PLA2G4A: variants seen among roughly 807,000 people sequenced by gnomAD.
PLA2G4A encodes the protein cytosolic phospholipase A2.
A neutral mutation model predicts 81.9 loss-of-function variants in PLA2G4A; 40 were observed. The observed-to-expected ratio is 0.49, with a 90% CI of 0.38 to 0.64. The LOEUF (loss-of-function observed/expected upper bound fraction) is 0.64, where lower values mean the gene tolerates loss of function less well. PLA2G4A is among the 30% of genes least tolerant of loss of function. The pLI is 0.00. For synonymous variants in PLA2G4A, 302 were observed against 296.9 expected (o/e 1.02, Z -0.18); for missense variants, 715 against 905.1 (o/e 0.79, Z 2.69).
chr1:186,947,554 T>C (rs1374641967), intron 12 of PLA2G4A, among the ~76,000 whole-genome samples: 1 of 152,196 alleles, frequency 6.6e-6, no homozygotes. Flanking sequence ...CCAGTGGTTT[T>C]CATTCATTAT....
Position 186,946,905 on chromosome 1 carries a change from G to A in PLA2G4A, c.1208G>A (p.Arg403Lys). The A allele has an allele frequency of 1.2e-6, 2 of 1,612,856 alleles. No homozygotes were observed. The highest frequency in any genetic ancestry group is 1.7e-6 in the Non-Finnish European group (2 of 1,178,992). Residue 403 changes from arginine to lysine, a missense_variant, in exon 12 of 18, where the codon AGA becomes AAA. Coordinates refer to ENST00000367466, the MANE Select transcript of PLA2G4A (RefSeq NM_024420.3). ...AGTGCCTTTTCCATATTGTTCAACA[G>A]AGTTTTGGGCGTTTCTGGTTCACAA... ...WGSAFSILFN[R>K]VLGVSGSQSR...
intron 15 of PLA2G4A, among the ~76,000 whole-genome samples, chr1:186,975,698 G>T (rs996668291): frequency 6.6e-6 from 1 of 152,134 alleles, no homozygotes. Flanking sequence ...GTGTTTGTTC[G>T]TTCCTCATTA....
chr1:186,834,509 A>G (rs1289007508), intron 1 of PLA2G4A, among the ~76,000 whole-genome samples: 1 of 152,084 alleles, frequency 6.6e-6, no homozygotes, highest in Non-Finnish European at 1.5e-5. Flanking sequence ...TATTGGAGTT[A>G]ACATCAGAAA....
intron 1 of PLA2G4A, among the ~76,000 whole-genome samples, chr1:186,842,537 A>C (rs1652025893): frequency 6.6e-6 from 1 of 152,170 alleles, no homozygotes; most frequent in Admixed American, 6.5e-5. Flanking sequence ...GTACCTCAGA[A>C]TGTAAAAGTA....
chr1:186,838,193 A>G (rs1651858067), intron 1 of PLA2G4A, among the ~76,000 whole-genome samples: 2 of 152,244 alleles, frequency 1.3e-5, no homozygotes, highest in African/African-American at 2.4e-5. Flanking sequence ...GACTTAAATT[A>G]AAACTAGCCT....
chr1:186,860,625 C>G (rs919723723), intron 2 of PLA2G4A, among the ~76,000 whole-genome samples: 2 of 152,188 alleles, frequency 1.3e-5, no homozygotes, highest in African/African-American at 4.8e-5. Context: ...CTGGACAACA[C>G]ATGGCCTACC....
chr1:186,930,335 A>G (rs1315989460), intron 7 of PLA2G4A, among the ~76,000 whole-genome samples: 1 of 152,224 alleles, frequency 6.6e-6, no homozygotes, highest in African/African-American at 2.4e-5. Flanking sequence ...CTTCAAAGCA[A>G]TAATGAGAAC....
At chr1:186,988,269 C>G in intron 17 of PLA2G4A, 108 bp from the exon 18 acceptor site, 1 of 836,826 alleles carries the variant, frequency 1.2e-6, no homozygotes, top group Non-Finnish European at 1.8e-6. Context: ...TCATATATGT[C>G]AAAAGGAATA....
chr1:186,837,753 G>GAAAAAAAAAAAAAAAAAAAAAAA (rs1267826917), intron 1 of PLA2G4A, among the ~76,000 whole-genome samples: 1 of 118,166 alleles, frequency 8.5e-6, no homozygotes. Context: ...AAAAAAAAAA[G>GAAAAAAAAAAAAAAAAAAAAAAA]AAAAAGAAAA....
At chr1:186,952,493 G>T (rs901276571) in intron 13 of PLA2G4A, among the ~76,000 whole-genome samples, 1 of 151,986 alleles carries the variant, frequency 6.6e-6, no homozygotes, top group African/African-American at 2.4e-5. Flanking sequence ...CACCACCCCT[G>T]CCTCTCCCAC....
intron 7 of PLA2G4A, among the ~76,000 whole-genome samples, chr1:186,926,571 G>A (rs974691508): frequency 2.0e-5 from 3 of 152,086 alleles, no homozygotes; most frequent in Non-Finnish European, 4.4e-5. Flanking sequence ...GTTCAGTGCT[G>A]GCCAGTTGGC....
chr1:186,843,781 A>T (rs1255832332), intron 1 of PLA2G4A, among the ~76,000 whole-genome samples: 2 of 152,176 alleles, frequency 1.3e-5, no homozygotes, highest in African/African-American at 4.8e-5. Context: ...AAATGTTTCC[A>T]CTTCCTCTTA....
At chr1:186,846,943 A>C (rs1652196443) in intron 1 of PLA2G4A, among the ~76,000 whole-genome samples, 1 of 151,728 alleles carries the variant, frequency 6.6e-6, no homozygotes, top group South Asian at 2.1e-4. Context: ...AAATACAAAA[A>C]CTTTTCTGCA....
intron 7 of PLA2G4A, among the ~76,000 whole-genome samples, chr1:186,914,030 A>C (rs1655054046): frequency 6.6e-6 from 1 of 152,194 alleles, no homozygotes. Flanking sequence ...AACCTTCATT[A>C]AAGTTTATTT....
chr1:186,865,119 T>C (rs1413168783), intron 2 of PLA2G4A, among the ~76,000 whole-genome samples: 1 of 149,328 alleles, frequency 6.7e-6, no homozygotes, highest in Non-Finnish European at 1.5e-5. Flanking sequence ...ATATAATATA[T>C]TGCCAAACTT....
intron 7 of PLA2G4A, among the ~76,000 whole-genome samples, chr1:186,923,743 C>A (rs952688586): frequency 1.3e-5 from 2 of 152,212 alleles, no homozygotes; most frequent in African/African-American, 4.8e-5. Flanking sequence ...GGAGGAAATT[C>A]ATATTTCTTG....
intron 3 of PLA2G4A, among the ~76,000 whole-genome samples, chr1:186,873,025 T>C (rs538313024): frequency 6.6e-6 from 1 of 152,122 alleles, no homozygotes; most frequent in Admixed American, 6.6e-5. Context: ...TTTGTGTGTG[T>C]GTGGGGAGGG....
chr1:186,888,030 G>A (rs1653998134), intron 3 of PLA2G4A, among the ~76,000 whole-genome samples: 1 of 152,182 alleles, frequency 6.6e-6, no homozygotes, highest in Admixed American at 6.5e-5. Flanking sequence ...CCACTGTCCA[G>A]CATCCTTTGA....
intron 7 of PLA2G4A, among the ~76,000 whole-genome samples, chr1:186,929,704 A>G (rs1557879083): frequency 6.6e-6 from 1 of 152,158 alleles, no homozygotes; most frequent in Non-Finnish European, 1.5e-5. Context: ...TCCAAATACC[A>G]CTTTCTAGCT....
Sources: gnomAD v4.1 joint callset for allele counts (sites outside exome capture counted in the v4.1 genomes callset) on GRCh38, gnomAD v4.1.1 for gene constraint, MANE v1.5 for transcripts, NCBI Gene and HGNC (gene_info 2026-07-23, HGNC 2026-07-21) for gene names.